PHACTR4: variants seen among roughly 807,000 people sequenced by gnomAD.
PHACTR4 encodes protein phosphatase 1, regulatory subunit 124.
In PHACTR4, 51 loss-of-function variants were observed where a neutral mutation model predicts 72.7. The ratio of observed to expected loss-of-function variants is 0.70; its 90% CI spans 0.56 to 0.89. The LOEUF is 0.89. Among genes scored for constraint, PHACTR4 ranks in the 40% least tolerant of loss-of-function variants. PHACTR4 has a pLI of 0.00. For missense variants in PHACTR4, 731 were observed against 861.8 expected, an observed-to-expected ratio of 0.85 and a Z score of 1.90; for synonymous variants, 255 against 302.5, an observed-to-expected ratio of 0.84 and a Z score of 1.63.
At chr1:28,490,375 C>A in intron 10 of PHACTR4, among the ~76,000 whole-genome samples, 1 of 151,418 alleles carries the variant, frequency 6.6e-6, no homozygotes, top group East Asian at 1.9e-4. Flanking sequence ...ACTAAAAATA[C>A]AAAAAAATTA....
At chr1:28,412,440 A>G (rs895317228) in intron 2 of PHACTR4, among the ~76,000 whole-genome samples, 1 of 152,244 alleles carries the variant, frequency 6.6e-6, no homozygotes. Flanking sequence ...ATAAACAGTA[A>G]TAAAAATATA....
chr1:28,370,151 C>G (rs192925511), intron 1 of PHACTR4, among the ~76,000 whole-genome samples: 2 of 152,074 alleles, frequency 1.3e-5, no homozygotes, highest in East Asian at 3.9e-4. Context: ...GTCTCCGCCA[C>G]GGGGGAGCCT....
At chr1:28,476,042 T>C (rs1386483299) in intron 7 of PHACTR4, 65 bp from the exon 8 acceptor site, 1 of 1,471,020 alleles carries the variant, frequency 6.8e-7, no homozygotes, top group Middle Eastern at 2.5e-4. Flanking sequence ...TTTCAGTCCT[T>C]TGTCTTAAAA....
At position 28,398,035 on chromosome 1, in the gene PHACTR4, G is replaced by A. The variant is rs1467085782; in HGVS notation, c.-38-9375G>A. Among the ~76,000 whole-genome samples the A allele has an allele frequency of 2.6e-5, 4 of 152,138 alleles. No individual in the cohort carries two copies. In the South Asian group the frequency reaches 8.3e-4, roughly 32 times the overall value. ...GCCTAATTTTTGCTTTTAATATCAA[G>A]TTTCTAGCCTGCAGTACATGCTTCT... On this transcript the variant is annotated intron_variant, in intron 1 of 13. Coordinates refer to ENST00000373839, the MANE Select transcript of PHACTR4 (RefSeq NM_001048183.3).
chr1:28,444,265 C>T (rs986373658), intron 2 of PHACTR4, among the ~76,000 whole-genome samples: 1 of 106,240 alleles, frequency 9.4e-6, no homozygotes, highest in African/African-American at 3.6e-5. Context: ...CTTGCTCTGT[C>T]GCCAGGCTGG....
At chr1:28,433,139 T>C in intron 2 of PHACTR4, 1 of 959,990 alleles carries the variant, frequency 1.0e-6, no homozygotes, top group Non-Finnish European at 1.2e-6. Flanking sequence ...GGAGAATAAG[T>C]ACTCTAAAAA....
chr1:28,412,958 C>T (rs1031380262), intron 2 of PHACTR4, among the ~76,000 whole-genome samples: 2 of 152,166 alleles, frequency 1.3e-5, no homozygotes, highest in African/African-American at 2.4e-5. Flanking sequence ...CCACTACCCC[C>T]GGGCCACAGG....
chr1:28,462,787 A>G (rs889448983), intron 4 of PHACTR4, among the ~76,000 whole-genome samples: 1 of 152,210 alleles, frequency 6.6e-6, no homozygotes, highest in African/African-American at 2.4e-5. Flanking sequence ...CCAACCAGAT[A>G]AATGACCTAA....
chr1:28,493,894 G>C (rs1407310220), intron 13 of PHACTR4, among the ~76,000 whole-genome samples: 1 of 152,092 alleles, frequency 6.6e-6, no homozygotes, highest in Non-Finnish European at 1.5e-5. Context: ...ATTTTAATTA[G>C]CTGTCTTCAT....
chr1:28,466,383 C>T lies in PHACTR4; in HGVS notation c.438C>T (p.Gly146=). ...IPEEDLKKRL[G]STGSQPNSEA... ...TATACCATACATGTTATTACACAGG[C>T]TCAACTGGAAGCCAGCCTAATTCTG... The change falls in exon 6 of 14, where the codon GGC becomes GGT. Residue 146 remains glycine, a splice_region_variant and synonymous_variant. Coordinates refer to ENST00000373839, the MANE Select transcript of PHACTR4 (RefSeq NM_001048183.3). The T allele has an allele frequency of 6.2e-7, 1 of 1,608,802 alleles. No individual in the cohort carries two copies. The highest frequency in any genetic ancestry group is 8.5e-7 in the Non-Finnish European group (1 of 1,175,642).
intron 2 of PHACTR4, among the ~76,000 whole-genome samples, chr1:28,411,885 G>T (rs1306030974): frequency 6.6e-6 from 1 of 151,762 alleles, no homozygotes; most frequent in Non-Finnish European, 1.5e-5. Context: ...ACAAAAGAAA[G>T]AAAGAACGAA....
intron 2 of PHACTR4, among the ~76,000 whole-genome samples, chr1:28,420,260 G>T (rs1453136427): frequency 2.6e-5 from 4 of 152,038 alleles, no homozygotes; most frequent in African/African-American, 9.7e-5. Flanking sequence ...ACCCCATAAT[G>T]CCTATCATCC....
intron 2 of PHACTR4, among the ~76,000 whole-genome samples, chr1:28,428,219 C>G (rs1443770057): frequency 6.6e-6 from 1 of 152,128 alleles, no homozygotes; most frequent in Non-Finnish European, 1.5e-5. Flanking sequence ...AACATATGAA[C>G]CTTTTGCTCA....
At chr1:28,412,612 TAACA>T (rs1165013916) in intron 2 of PHACTR4, among the ~76,000 whole-genome samples, 1 of 152,248 alleles carries the variant, frequency 6.6e-6, no homozygotes, top group African/African-American at 2.4e-5. Flanking sequence ...GTTAAGGTGC[TAACA>T]GTTTTGCTCA....
chr1:28,414,053 TA>T (rs1654945600), intron 2 of PHACTR4, among the ~76,000 whole-genome samples: 1 of 152,182 alleles, frequency 6.6e-6, no homozygotes, highest in African/African-American at 2.4e-5. Flanking sequence ...TTTTTAATTT[TA>T]CTTGTATTTG....
At chr1:28,477,274 G>A (rs935054883) in intron 8 of PHACTR4, among the ~76,000 whole-genome samples, 22 of 151,646 alleles carry the variant, frequency 1.5e-4, no homozygotes, top group African/African-American at 4.8e-4. Context: ...TTTTAGTAGA[G>A]GCGGCGCTTC....
intron 6 of PHACTR4, among the ~76,000 whole-genome samples, chr1:28,472,327 C>T (rs1659613972): frequency 6.6e-6 from 1 of 152,142 alleles, no homozygotes; most frequent in South Asian, 2.1e-4. Flanking sequence ...CTTCTGTGGC[C>T]TTGCCTTTTC....
intron 1 of PHACTR4, among the ~76,000 whole-genome samples, chr1:28,387,721 TA>T (rs1459551946): frequency 2.8e-5 from 4 of 143,736 alleles, no homozygotes; most frequent in African/African-American, 5.6e-5. Context: ...ACACTGTCTC[TA>T]CAAAAAACAA....
At chr1:28,487,717 GTTTTTTGTTGTTTT>G (rs1463538299) in intron 9 of PHACTR4, among the ~76,000 whole-genome samples, 7 of 102,416 alleles carry the variant, frequency 6.8e-5, no homozygotes, top group African/African-American at 2.8e-4. Flanking sequence ...ACAAATTGTA[GTTTTTTGTTGTTTT>G]TTTTTTTTTT....
Sources: gnomAD v4.1 joint callset for allele counts (sites outside exome capture counted in the v4.1 genomes callset) on GRCh38, gnomAD v4.1.1 for gene constraint, MANE v1.5 for transcripts, NCBI Gene and HGNC (gene_info 2026-07-23, HGNC 2026-07-21) for gene names.